Variants in CA10 observed in about 807,000 individuals in gnomAD.
CA10 encodes the protein carbonic anhydrase 10 (inactive).
A neutral mutation model predicts 44.2 loss-of-function variants in CA10; 14 were observed. The observed-to-expected ratio is 0.32, with a 90% confidence interval of 0.21 to 0.50. The LOEUF (loss-of-function observed/expected upper bound fraction) is 0.50. Ranked by LOEUF, CA10 falls within the 20% of genes least tolerant of loss-of-function variation. CA10 has a pLI of 0.99. For missense variants in CA10, 350 were observed against 409.7 expected (o/e 0.85, Z 1.26); for synonymous variants, 159 against 141.6 (o/e 1.12, Z -0.87).
intron 4 of CA10, among the ~76,000 whole-genome samples, chr17:51,719,740 T>G (rs908168940): frequency 3.3e-5 from 5 of 151,992 alleles, no homozygotes; most frequent in Non-Finnish European, 7.4e-5. Context: ...TAAAAAAAAG[T>G]TAGCCAGGCA....
At chr17:51,839,049 T>C (rs1042973140) in intron 3 of CA10, among the ~76,000 whole-genome samples, 1 of 152,240 alleles carries the variant, frequency 6.6e-6, no homozygotes, top group Non-Finnish European at 1.5e-5. Context: ...AGGCAGGCAC[T>C]ACACAAAATG....
intron 3 of CA10, among the ~76,000 whole-genome samples, chr17:51,874,778 A>T (rs1221778546): frequency 6.6e-6 from 1 of 152,164 alleles, no homozygotes; most frequent in East Asian, 1.9e-4. Context: ...AAATAACTCT[A>T]ACACCAAATT....
chr17:51,754,400 G>GATATATATAT lies in CA10; in HGVS notation c.280-6592_280-6583dup, dbSNP rs56145404. The stretch of plus-strand genomic sequence containing the variant: ...CACATACATACTACTGTGTGTGTGT[G>GATATATATAT]ATATATATATATATATATATATATA... On this transcript the variant is annotated intron_variant, in intron 3 of 8. Coordinates refer to ENST00000451037, the MANE Select transcript of CA10 (RefSeq NM_020178.5). Among the ~76,000 whole-genome samples the GATATATATAT allele has an allele frequency of 1.1e-3, 82 of 73,080 alleles. 1 individual carries two copies. The highest frequency in any genetic ancestry group is 1.4e-3 in the Non-Finnish European group (52 of 37,360). The allele number at this position is 73,080 out of a possible 152,430, so 47.9% of individuals were successfully genotyped here.
At chr17:51,976,189 A>T (rs1984456464) in intron 2 of CA10, among the ~76,000 whole-genome samples, 2 of 152,200 alleles carry the variant, frequency 1.3e-5, no homozygotes, top group South Asian at 2.1e-4. Flanking sequence ...GGAGAATTAG[A>T]TTTGTTCACA....
chr17:52,135,298 T>G (rs1240052459), intron 1 of CA10, among the ~76,000 whole-genome samples: 1 of 152,110 alleles, frequency 6.6e-6, no homozygotes, highest in Non-Finnish European at 1.5e-5. Flanking sequence ...CCCCTCCTTT[T>G]TTTGCCTGAG....
intron 1 of CA10, among the ~76,000 whole-genome samples, chr17:52,092,995 TATC>T (rs1297911042): frequency 1.3e-5 from 2 of 152,198 alleles, no homozygotes; most frequent in African/African-American, 4.8e-5. Flanking sequence ...CCTTCAATAA[TATC>T]ATTTCCTTCA....
At chr17:51,819,877 TTTCTCTCCCTCTGTTTCTC>T (rs1907696595) in intron 3 of CA10, among the ~76,000 whole-genome samples, 4 of 152,158 alleles carry the variant, frequency 2.6e-5, no homozygotes, top group Admixed American at 2.6e-4. Flanking sequence ...TGTCTCTGTC[TTTCTCTCCCTCTGTTTCTC>T]GATTTCTCTG....
chr17:52,065,858 C>A (rs1319344738), intron 2 of CA10, among the ~76,000 whole-genome samples: 1 of 152,154 alleles, frequency 6.6e-6, no homozygotes, highest in Non-Finnish European at 1.5e-5. Flanking sequence ...CACATAATCC[C>A]CATATGTTGT....
At chr17:51,774,741 G>T (rs1905749698) in intron 3 of CA10, among the ~76,000 whole-genome samples, 1 of 152,256 alleles carries the variant, frequency 6.6e-6, no homozygotes, top group South Asian at 2.1e-4. Context: ...ACTGTGCCCA[G>T]CCCACTCAAG....
At chr17:51,859,824 T>C (rs1025876922) in intron 3 of CA10, among the ~76,000 whole-genome samples, 1 of 152,168 alleles carries the variant, frequency 6.6e-6, no homozygotes, top group Non-Finnish European at 1.5e-5. Context: ...AGGATCATCA[T>C]TGTTGGATCA....
intron 3 of CA10, among the ~76,000 whole-genome samples, chr17:51,817,677 C>T (rs1332274290): frequency 6.6e-6 from 1 of 151,964 alleles, no homozygotes; most frequent in African/African-American, 2.4e-5. Flanking sequence ...TGAGGTAGGC[C>T]GACATCCTCA....
intron 4 of CA10, among the ~76,000 whole-genome samples, chr17:51,718,408 G>A (rs1916244595): frequency 6.6e-6 from 1 of 152,074 alleles, no homozygotes; most frequent in African/African-American, 2.4e-5. Context: ...TTGTGCCTAG[G>A]TAAGGAAGCC....
At chr17:51,829,149 A>AATAT (rs766257298) in intron 3 of CA10, among the ~76,000 whole-genome samples, 6 of 152,218 alleles carry the variant, frequency 3.9e-5, no homozygotes, top group Non-Finnish European at 7.4e-5. Context: ...GCATGCCTAA[A>AATAT]ATATGTACTG....
intron 2 of CA10, chr17:52,070,402 A>C (rs1012348542): frequency 6.6e-6 from 1 of 152,182 alleles, no homozygotes; most frequent in East Asian, 1.9e-4. Flanking sequence ...GAACATACAC[A>C]CATTACCTCC....
At chr17:52,026,895 T>C (rs925228794) in intron 2 of CA10, among the ~76,000 whole-genome samples, 5 of 152,062 alleles carry the variant, frequency 3.3e-5, no homozygotes, top group African/African-American at 7.2e-5. Flanking sequence ...GAACCAGTTT[T>C]GTGGAAGACA....
intron 6 of CA10, among the ~76,000 whole-genome samples, chr17:51,638,560 T>G (rs1912934616): frequency 6.6e-6 from 1 of 152,060 alleles, no homozygotes; most frequent in Admixed American, 6.5e-5. Flanking sequence ...ACCTTGGGGG[T>G]TACATCAGGG....
intron 1 of CA10, among the ~76,000 whole-genome samples, chr17:52,119,240 G>A (rs1348250328): frequency 1.3e-5 from 2 of 150,872 alleles, no homozygotes; most frequent in Non-Finnish European, 3.0e-5. Flanking sequence ...ACTTATGGCA[G>A]TATTCATGAC....
chr17:51,825,985 ATCTG>A (rs931617144), intron 3 of CA10, among the ~76,000 whole-genome samples: 2 of 152,180 alleles, frequency 1.3e-5, no homozygotes, highest in Non-Finnish European at 2.9e-5. Context: ...CGCACTTATA[ATCTG>A]TCTTAATACA....
At chr17:51,992,296 A>G (rs1985069331) in intron 2 of CA10, among the ~76,000 whole-genome samples, 2 of 152,118 alleles carry the variant, frequency 1.3e-5, no homozygotes, top group African/African-American at 2.4e-5. Context: ...AGTTAAAACA[A>G]TAGTAGTCTC....
Sources: allele counts gnomAD v4.1 joint callset (sites outside exome capture counted in the v4.1 genomes callset), GRCh38; gene constraint gnomAD v4.1.1; transcripts MANE v1.5; gene names NCBI Gene and HGNC (gene_info 2026-07-23, HGNC 2026-07-21).